Variants in LRRK2 observed in about 807,000 individuals in gnomAD.
LRRK2 encodes leucine-rich repeat serine/threonine-protein kinase 2.
LRRK2 carries 203 observed loss-of-function variants against 302.6 expected under a neutral mutation model. The observed-to-expected ratio is 0.67, with a 90% CI of 0.60 to 0.75. The LOEUF is 0.75. LRRK2 is among the 30% of genes least tolerant of loss of function. The pLI is 0.00. For missense variants in LRRK2, 2,830 were observed against 2,951.0 expected (o/e 0.96, Z 0.95); for synonymous variants, 1,066 against 1,031.9 (o/e 1.03, Z -0.63).
At chr12:40,280,928 C>T (rs1372115449) in intron 18 of LRRK2, among the ~76,000 whole-genome samples, 1 of 151,592 alleles carries the variant, frequency 6.6e-6, no homozygotes, top group East Asian at 2.0e-4. Flanking sequence ...ATTAGCCAGG[C>T]GTGGTGGCAG....
Position 40,326,477 on chromosome 12 carries a change from G to GAA in LRRK2, c.5657-1873_5657-1872dup, listed in dbSNP as rs561546782. On this transcript the variant is annotated intron_variant, in intron 38 of 50. Transcript: ENST00000298910. ...CGAGACTCTGTCTCAAAAAAAAAAA[G>GAA]AAAAAAAAAAAGAAAAAAAAAACAA... is the stretch of plus-strand genomic sequence containing the variant. Among the ~76,000 whole-genome samples the GAA allele has an allele frequency of 1.2e-4, 14 of 116,940 alleles. No individual in the cohort carries two copies. The East Asian group carries it at 1.6e-3, about 13-fold the overall frequency. 76.7% of individuals were successfully genotyped at this position (116,940 alleles called of 152,430 possible).
intron 14 of LRRK2, among the ~76,000 whole-genome samples, chr12:40,272,276 T>G (rs1384216343): frequency 6.6e-6 from 1 of 152,182 alleles, no homozygotes; most frequent in African/African-American, 2.4e-5. Context: ...TGACTTTTTT[T>G]TGTAGAAGAT....
chr12:40,328,064 AGTGAAAAT>A (rs1468511561), intron 38 of LRRK2, among the ~76,000 whole-genome samples: 4 of 152,222 alleles, frequency 2.6e-5, no homozygotes, highest in African/African-American at 7.2e-5. Context: ...GGTGGCTATA[AGTGAAAAT>A]GTGAAAATTC....
At chr12:40,237,012 A>G (rs576175153) in intron 4 of LRRK2, among the ~76,000 whole-genome samples, 88 of 152,226 alleles carry the variant, frequency 5.8e-4, no homozygotes, top group Non-Finnish European at 1.1e-3. Flanking sequence ...TATTGACAGA[A>G]TAGATGCTGT....
chr12:40,266,389 G>A (rs1287069635), intron 14 of LRRK2, among the ~76,000 whole-genome samples: 1 of 152,130 alleles, frequency 6.6e-6, no homozygotes, highest in East Asian at 1.9e-4. Flanking sequence ...CAGCCAACAG[G>A]CACATGAAAA....
chr12:40,241,598 A>G (rs892901855), intron 6 of LRRK2, among the ~76,000 whole-genome samples: 1 of 152,206 alleles, frequency 6.6e-6, no homozygotes, highest in East Asian at 1.9e-4. Flanking sequence ...ATCCTCACAC[A>G]TGTGAAGTTT....
chr12:40,356,182 G>A lies in LRRK2; in HGVS notation c.6838G>A (p.Val2280Ile), dbSNP rs1946531684. Residue 2280 changes from valine (V) to isoleucine (I), a missense_variant, in exon 46 of 51, where the codon GTT becomes ATT. Physicochemically the swap from Val to Ile is conservative, Grantham distance 29 (BLOSUM62 3). Around this residue, in one of 3 missense-constraint regions of LRRK2, gnomAD observed 456 missense variants for 456.3 expected, o/e 1.00. Transcript: ENST00000298910. ...GTTAGCAATTTTTGAAGATAAGACT[G>A]TTAAGGTAAATGTTGAATGCATTCT... ...GKLAIFEDKT[V>I]KLKGAAPLKI... 6.2e-7 allele frequency: 1 copy of A among 1,609,304 alleles called. No homozygotes were observed. Among genetic ancestry groups the A allele is most frequent in the Admixed American group, 1.7e-5 (1 of 59,784 alleles).
At position 40,251,552 on chromosome 12, in the gene LRRK2, GTTTTGAT is replaced by G. The variant is rs764305897; in HGVS notation, c.1181+12_1181+18del. ...TGGAGATGAAGATGGCCAGTTAGTA[GTTTTGAT>G]TTTATATGATAGAAAATTTCAGTTA... On this transcript the variant is annotated intron_variant, in intron 10 of 50. Transcript: ENST00000298910. 3 of 1,603,102 alleles carry G rather than the reference GTTTTGAT, an allele frequency of 1.9e-6. No individual in the cohort carries two copies. Among genetic ancestry groups the G allele is most frequent in the Non-Finnish European group, 8.5e-7 (1 of 1,172,268 alleles).
intron 46 of LRRK2, among the ~76,000 whole-genome samples, chr12:40,357,468 T>C (rs890400969): frequency 2.6e-5 from 4 of 152,218 alleles, no homozygotes; most frequent in African/African-American, 9.6e-5. Context: ...AGTAGTAACA[T>C]TGTTGGATTG....
At chr12:40,321,323 C>A in intron 35 of LRRK2, 135 bp downstream of exon 35, 1 of 869,610 alleles carries the variant, frequency 1.1e-6, no homozygotes. Flanking sequence ...TGGAAGGCAG[C>A]TGAAGAATTA....
At chr12:40,250,797 T>A (rs1234591685) in intron 8 of LRRK2, among the ~76,000 whole-genome samples, 1 of 152,196 alleles carries the variant, frequency 6.6e-6, no homozygotes, top group Non-Finnish European at 1.5e-5. Flanking sequence ...CTGAGGATAA[T>A]GGTTTCCAGC....
Position 40,237,940 on chromosome 12 carries a change from C to T in LRRK2, c.437-29C>T, listed in dbSNP as rs200615857. On this transcript the variant is annotated intron_variant, in intron 4 of 50. Transcript: ENST00000298910. ...CATTAAATGTTAAAGCAGCTCTTTACTCAGAGCATATTATTCTCTTTAAAA... is the reference window on the plus strand; with the variant it reads ...CATTAAATGTTAAAGCAGCTCTTTATTCAGAGCATATTATTCTCTTTAAAA... The T allele has an allele frequency of 1.0e-5, 16 of 1,597,352 alleles. 1 individual carries two copies. Among genetic ancestry groups the T allele is most frequent in the Middle Eastern group, 1.7e-4 (1 of 5,882 alleles).
intron 8 of LRRK2, 29 bp downstream of exon 8, chr12:40,249,974 T>C (rs2136470755): frequency 6.2e-7 from 1 of 1,612,112 alleles, no homozygotes; most frequent in East Asian, 2.2e-5. Context: ...AAGGGGATTC[T>C]TACAGAGGCA....
chr12:40,360,980 T>G (rs7962116), intron 47 of LRRK2, among the ~76,000 whole-genome samples: 116,727 of 151,958 alleles, frequency 0.77, 45,677 homozygotes, highest in Non-Finnish European at 0.86. Context: ...ATAATTGTAT[T>G]TGTTAAAGTA....
chr12:40,287,582 C>A, intron 20 of LRRK2, 43 bp downstream of exon 20: 4 of 1,580,670 alleles, frequency 2.5e-6, no homozygotes, highest in Non-Finnish European at 3.5e-6. Context: ...TATATTTACA[C>A]ACTGACATTG....
intron 8 of LRRK2, among the ~76,000 whole-genome samples, chr12:40,250,394 G>A (rs1025844821): frequency 6.6e-6 from 1 of 152,142 alleles, no homozygotes; most frequent in African/African-American, 2.4e-5. Context: ...GGAGGCCGAG[G>A]CAGGAGTATC....
intron 11 of LRRK2, among the ~76,000 whole-genome samples, chr12:40,255,799 T>G (rs188944430): frequency 1.3e-5 from 2 of 152,302 alleles, no homozygotes; most frequent in East Asian, 3.9e-4. Context: ...GAAAGGTTAT[T>G]ACAACTTCTG....
chr12:40,252,465 AT>A (rs1361842447), intron 10 of LRRK2, among the ~76,000 whole-genome samples: 4 of 152,320 alleles, frequency 2.6e-5, no homozygotes, highest in Admixed American at 6.5e-5. Context: ...CAGTTTATAA[AT>A]TTCAGTTCAT....
At chr12:40,359,710 A>T (rs1003572989) in intron 47 of LRRK2, among the ~76,000 whole-genome samples, 1 of 152,112 alleles carries the variant, frequency 6.6e-6, no homozygotes, top group African/African-American at 2.4e-5. Flanking sequence ...ATCAATCTAA[A>T]TTTTTTAACA....
Sources: gnomAD v4.1 joint callset for allele counts (sites outside exome capture counted in the v4.1 genomes callset) on GRCh38, gnomAD v4.1.1 for gene constraint, gnomAD v4.1.1 regional missense constraint, MANE v1.5 for transcripts, NCBI Gene and HGNC (gene_info 2026-07-23, HGNC 2026-07-21) for gene names.